Variants in CDK14 observed in about 807,000 individuals in gnomAD.
The protein encoded by CDK14 is cyclin-dependent kinase 14.
Under a neutral mutation model 60.7 loss-of-function variants are expected in CDK14, and 34 were observed. That is an observed-to-expected ratio of 0.56 (90% CI 0.43 to 0.75). The LOEUF (loss-of-function observed/expected upper bound fraction) is 0.75. Among genes scored for constraint, CDK14 ranks in the 30% least tolerant of loss-of-function variants. The pLI is 0.00. For missense variants in CDK14, 482 were observed against 564.1 expected (o/e 0.85, Z 1.47); for synonymous variants, 197 against 203.7 (o/e 0.97, Z 0.28).
At chr7:90,911,089 T>G (rs1022676405) in intron 7 of CDK14, among the ~76,000 whole-genome samples, 3 of 152,184 alleles carry the variant, frequency 2.0e-5, no homozygotes, top group East Asian at 1.9e-4. Flanking sequence ...TCTGAGGCTT[T>G]CTTTCTTTTT....
chr7:90,916,828 A>G (rs980006836), intron 7 of CDK14, among the ~76,000 whole-genome samples: 1 of 152,244 alleles, frequency 6.6e-6, no homozygotes, highest in African/African-American at 2.4e-5. Flanking sequence ...TTATCAAAAT[A>G]GAAACATTTG....
chr7:91,168,226 C>T (rs533263815), intron 14 of CDK14, among the ~76,000 whole-genome samples: 72 of 143,058 alleles, frequency 5.0e-4, no homozygotes, highest in Non-Finnish European at 8.9e-4. Flanking sequence ...CATGCCACTG[C>T]ATTCCAGCCT....
rs568373552 is a variant in CDK14 at position 91,209,701 on chromosome 7, G to A, written c.*2565G>A. 1 of 152,586 alleles carries A rather than the reference G, an allele frequency of 6.6e-6. No individual in the cohort carries two copies. The highest frequency in any genetic ancestry group is 2.4e-5 in the African/African-American group (1 of 41,442). The allele number at this position is 152,586 out of a possible 1,614,324, so 9.5% of individuals were successfully genotyped here. A position where few individuals can be genotyped will look rare whatever the true frequency, so the allele number is the denominator to read the frequency against. ...CTGCACACACAGTATTCTGAAAGGA[G>A]ATTTGACACTTAATTCCCATTTTCT... On this transcript the variant is annotated 3_prime_UTR_variant, in exon 15 of 15. Coordinates refer to ENST00000380050, the MANE Select transcript of CDK14 (RefSeq NM_001287135.2).
chr7:91,199,103 T>C (rs1385809818), intron 14 of CDK14, among the ~76,000 whole-genome samples: 1 of 152,170 alleles, frequency 6.6e-6, no homozygotes, highest in African/African-American at 2.4e-5. Flanking sequence ...AATTAACTTA[T>C]AAACACTTGG....
At chr7:90,859,940 GT>G (rs374213365) in intron 5 of CDK14, among the ~76,000 whole-genome samples, 28 of 151,340 alleles carry the variant, frequency 1.9e-4, no homozygotes, top group African/African-American at 5.8e-4. Context: ...ATGTTTTTTT[GT>G]TTTTTTTCTC....
At chr7:90,606,136 A>G (rs926224361) in intron 2 of CDK14, among the ~76,000 whole-genome samples, 5 of 152,226 alleles carry the variant, frequency 3.3e-5, no homozygotes, top group African/African-American at 7.2e-5. Flanking sequence ...ATTGGAAATA[A>G]TAATTTTCCC....
intron 1 of CDK14, among the ~76,000 whole-genome samples, chr7:90,600,610 A>G (rs1799295181): frequency 6.6e-6 from 1 of 152,226 alleles, no homozygotes; most frequent in Non-Finnish European, 1.5e-5. Flanking sequence ...TAACTGTGTA[A>G]TTCTAGAGTC....
At chr7:90,783,352 T>C (rs1404902823) in intron 4 of CDK14, among the ~76,000 whole-genome samples, 1 of 152,206 alleles carries the variant, frequency 6.6e-6, no homozygotes, top group Non-Finnish European at 1.5e-5. Context: ...ATTTTTGCTT[T>C]GGTTGGTTGT....
intron 14 of CDK14, among the ~76,000 whole-genome samples, chr7:91,188,592 T>C (rs1802260513): frequency 6.6e-6 from 1 of 152,184 alleles, no homozygotes; most frequent in Non-Finnish European, 1.5e-5. Context: ...ATTTTTAAAA[T>C]GTCACTACTG....
chr7:90,696,866 G>T (rs1292982071), intron 2 of CDK14, among the ~76,000 whole-genome samples: 1 of 152,140 alleles, frequency 6.6e-6, no homozygotes, highest in Non-Finnish European at 1.5e-5. Context: ...AGCCAGTGAA[G>T]TAGGAGGAAA....
chr7:90,642,947 A>G (rs946397355), intron 2 of CDK14, among the ~76,000 whole-genome samples: 2 of 152,212 alleles, frequency 1.3e-5, no homozygotes, highest in African/African-American at 2.4e-5. Flanking sequence ...CTTGTACCAG[A>G]TACTGGAGAC....
chr7:90,737,813 C>T (rs978778612), intron 3 of CDK14, among the ~76,000 whole-genome samples: 2 of 152,152 alleles, frequency 1.3e-5, no homozygotes. Context: ...CTCACAATTA[C>T]AGTATAATGT....
At chr7:91,197,261 A>G (rs1802573737) in intron 14 of CDK14, among the ~76,000 whole-genome samples, 1 of 152,242 alleles carries the variant, frequency 6.6e-6, no homozygotes, top group Admixed American at 6.5e-5. Context: ...TTAGCTGGGC[A>G]TGGTGGCGTG....
In CDK14 at chr7:91,041,932, C is replaced by G. The variant is rs116788786; in HGVS notation, c.1042-3965C>G. ...CATGGTGCACTAAGTATCCAGAGAT[C>G]AACATCATCCACTCTGAGGACCACA... On this transcript the variant is annotated intron_variant, in intron 10 of 14. Coordinates refer to ENST00000380050, the MANE Select transcript of CDK14 (RefSeq NM_001287135.2). Among the ~76,000 whole-genome samples the G allele has an allele frequency of 3.4e-3, 516 of 152,272 alleles. 1 individual carries two copies. The highest frequency in any genetic ancestry group is 0.012 in the African/African-American group (502 of 41,554).
chr7:91,040,125 A>T (rs184290237), intron 10 of CDK14, among the ~76,000 whole-genome samples: 216 of 152,244 alleles, frequency 1.4e-3, no homozygotes, highest in African/African-American at 5.1e-3. Context: ...CCATGAGGCC[A>T]CTGGATCCTG....
chr7:91,145,922 AT>A (rs111901624), intron 14 of CDK14, among the ~76,000 whole-genome samples: 34 of 19,412 alleles, frequency 1.8e-3, no homozygotes, highest in African/African-American at 2.6e-3. Context: ...GGCTTGCTTT[AT>A]TTATTTATTT....
intron 4 of CDK14, among the ~76,000 whole-genome samples, chr7:90,765,721 T>C (rs1203731843): frequency 1.3e-5 from 2 of 152,094 alleles, no homozygotes; most frequent in African/African-American, 4.8e-5. Flanking sequence ...CTACTCTTTT[T>C]AGCAGTGAGG....
At chr7:91,196,672 G>A (rs1271592953) in intron 14 of CDK14, among the ~76,000 whole-genome samples, 1 of 152,180 alleles carries the variant, frequency 6.6e-6, no homozygotes, top group East Asian at 1.9e-4. Context: ...ACAAGTTGAT[G>A]GTCTTAAGTT....
chr7:90,950,933 G>A (rs1011965439), intron 8 of CDK14, among the ~76,000 whole-genome samples: 7 of 152,086 alleles, frequency 4.6e-5, no homozygotes, highest in African/African-American at 7.2e-5. Context: ...CATTATAAAA[G>A]CAGCAATAGA....
Sources: gnomAD v4.1 joint callset for allele counts (sites outside exome capture counted in the v4.1 genomes callset) on GRCh38, gnomAD v4.1.1 for gene constraint, MANE v1.5 for transcripts, NCBI Gene and HGNC (gene_info 2026-07-23, HGNC 2026-07-21) for gene names.